Variants in ARPP21 observed in about 807,000 individuals in gnomAD.
The protein encoded by ARPP21 is cAMP regulated phosphoprotein 21.
In ARPP21, 69 loss-of-function variants were observed where a neutral mutation model predicts 113.2. The observed-to-expected ratio is 0.61, with a 90% CI of 0.50 to 0.74. ARPP21 has a LOEUF of 0.74. Ranked by LOEUF, ARPP21 falls within the 30% of genes least tolerant of loss-of-function variation. The probability of loss-of-function intolerance (pLI) is 0.00; values close to 1 mark genes in which losing one functional copy is unlikely to be tolerated. For missense variants in ARPP21, 1,070 were observed against 1,037.4 expected, an observed-to-expected ratio of 1.03 and a Z score of -0.43; for synonymous variants, 368 against 375.5, an observed-to-expected ratio of 0.98 and a Z score of 0.23.
intron 19 of ARPP21, among the ~76,000 whole-genome samples, chr3:35,756,867 A>T (rs1422988673): frequency 6.6e-6 from 1 of 152,178 alleles, no homozygotes; most frequent in East Asian, 1.9e-4. Context: ...GCAGTAGAAC[A>T]CACATTTTGA....
intron 19 of ARPP21, among the ~76,000 whole-genome samples, chr3:35,764,094 A>C (rs2095871243): frequency 6.6e-6 from 1 of 152,158 alleles, no homozygotes; most frequent in Non-Finnish European, 1.5e-5. Context: ...TACATTTAGA[A>C]AGAATAACCT....
chr3:35,752,830 T>G (rs1411033659), intron 19 of ARPP21, among the ~76,000 whole-genome samples: 2 of 152,134 alleles, frequency 1.3e-5, no homozygotes, highest in East Asian at 3.9e-4. Flanking sequence ...ATTATTTTAT[T>G]TCACATTATT....
chr3:35,748,071 A>AAGGAAGG (rs1559837078), intron 19 of ARPP21, among the ~76,000 whole-genome samples: 3,106 of 93,058 alleles, frequency 0.033, 54 homozygotes, highest in Non-Finnish European at 0.04. Flanking sequence ...AGGAAGGAAG[A>AAGGAAGG]AAGAAAGAAA....
At chr3:35,678,473 A>G (rs2078065564) in intron 1 of ARPP21, among the ~76,000 whole-genome samples, 1 of 152,010 alleles carries the variant, frequency 6.6e-6, no homozygotes, top group Non-Finnish European at 1.5e-5. Flanking sequence ...ACTGATCAAA[A>G]TTGAAAAACT....
intron 1 of ARPP21, among the ~76,000 whole-genome samples, chr3:35,661,010 G>A (rs1465761035): frequency 6.6e-6 from 1 of 152,046 alleles, no homozygotes; most frequent in Non-Finnish European, 1.5e-5. Flanking sequence ...CAGGTACAGG[G>A]CTAAATCTAT....
At chr3:35,724,841 G>A (rs2093405372) in intron 14 of ARPP21, among the ~76,000 whole-genome samples, 1 of 151,828 alleles carries the variant, frequency 6.6e-6, no homozygotes, top group African/African-American at 2.4e-5. Flanking sequence ...CTTCCTTCTT[G>A]TAATTTTGGA....
intron 14 of ARPP21, among the ~76,000 whole-genome samples, chr3:35,723,010 C>G (rs1242379209): frequency 6.6e-6 from 1 of 152,120 alleles, no homozygotes; most frequent in African/African-American, 2.4e-5. Context: ...AATTCCCTGA[C>G]ACTCTCTTGG....
At chr3:35,715,620 T>C in intron 12 of ARPP21, 144 bp downstream of exon 12, 3 of 563,608 alleles carry the variant, frequency 5.3e-6, no homozygotes. Context: ...TACACACATA[T>C]ATGTTATTTA....
At chr3:35,751,180 G>GCAAATCA (rs2151074917) in intron 19 of ARPP21, among the ~76,000 whole-genome samples, 1 of 152,244 alleles carries the variant, frequency 6.6e-6, no homozygotes, top group Non-Finnish European at 1.5e-5. Context: ...TATAACTGCA[G>GCAAATCA]CAAATCATTT....
chr3:35,721,891 C>T, intron 14 of ARPP21, 57 bp downstream of exon 14: 1 of 1,111,254 alleles, frequency 9.0e-7, no homozygotes. Context: ...CTACCCAAGC[C>T]ATATGGTCAC....
chr3:35,687,593 C>G, intron 5 of ARPP21, 146 bp from the exon 6 acceptor site: 1 of 631,826 alleles, frequency 1.6e-6, no homozygotes. Context: ...CAATTAATTT[C>G]CTGACAGGTT....
intron 10 of ARPP21, chr3:35,707,434 C>T (rs779952762): frequency 4.1e-6 from 2 of 486,308 alleles, no homozygotes; most frequent in African/African-American, 1.9e-5. Flanking sequence ...CTATGGCAGT[C>T]GTTCCACTCC....
At position 35,729,449 on chromosome 3, in the gene ARPP21, G is replaced by T. The variant is rs563426218; in HGVS notation, c.1372G>T (p.Ala458Ser). ...AGAGAATGGAATAGGGGGCCAGGTTGCTCCCAGCAGCACCAGCTACATCCT... is the reference window on the plus strand; with the variant it reads ...AGAGAATGGAATAGGGGGCCAGGTTTCTCCCAGCAGCACCAGCTACATCCT... ...YPENGIGGQVAPSSTSYILLP... is the reference protein window; with the variant it reads ...YPENGIGGQVSPSSTSYILLP... The change falls in exon 15 of 21, where the codon GCT becomes TCT. Residue 458 changes from alanine to serine, a missense_variant. By Grantham distance (99) the Ala-to-Ser change is moderately conservative (BLOSUM62 1). Coordinates refer to ENST00000684406, the MANE Select transcript of ARPP21 (RefSeq NM_001385562.1). 3 of 1,614,188 alleles carry T rather than the reference G, an allele frequency of 1.9e-6. No individual in the cohort carries two copies. The South Asian group carries it at 3.3e-5, about 18-fold the overall frequency.
intron 9 of ARPP21, among the ~76,000 whole-genome samples, chr3:35,703,625 A>G (rs2087432666): frequency 6.6e-6 from 1 of 151,828 alleles, no homozygotes; most frequent in South Asian, 2.1e-4. Flanking sequence ...ATAATGCCAT[A>G]TGTACTAAAA....
At chr3:35,784,171 G>T (rs1052055987) in intron 19 of ARPP21, among the ~76,000 whole-genome samples, 1 of 152,110 alleles carries the variant, frequency 6.6e-6, no homozygotes, top group Non-Finnish European at 1.5e-5. Flanking sequence ...GTGGCAAGAA[G>T]AAATAGTCAA....
At chr3:35,711,420 A>G (rs1398755771) in intron 11 of ARPP21, among the ~76,000 whole-genome samples, 1 of 152,246 alleles carries the variant, frequency 6.6e-6, no homozygotes, top group African/African-American at 2.4e-5. Flanking sequence ...GGCAAGAAAC[A>G]CCTAGTGTCT....
intron 1 of ARPP21, among the ~76,000 whole-genome samples, chr3:35,664,902 G>T (rs1709526323): frequency 6.6e-6 from 1 of 152,162 alleles, no homozygotes; most frequent in African/African-American, 2.4e-5. Flanking sequence ...GGGCTTCAGA[G>T]GAGTGTCACT....
At position 35,734,395 on chromosome 3, in the gene ARPP21, C is replaced by A. The variant is rs533397340; in HGVS notation, c.1460-2783C>A. 1.6e-4 allele frequency among the ~76,000 whole-genome samples: 24 copies of A among 152,134 alleles called. No individual in the cohort carries two copies. The East Asian group carries it at 2.9e-3, about 18-fold the overall frequency. ...AAAGTTATTTTTCAAAAAGAATATTCATTTAAAACAATAAAATGCATCTAC... is the reference window on the plus strand; with the variant it reads ...AAAGTTATTTTTCAAAAAGAATATTAATTTAAAACAATAAAATGCATCTAC... On this transcript the variant is annotated intron_variant, in intron 15 of 20. Transcript: ENST00000684406.
intron 19 of ARPP21, among the ~76,000 whole-genome samples, chr3:35,748,110 G>GAA (rs371869205): frequency 1.8e-4 from 17 of 95,902 alleles, no homozygotes; most frequent in African/African-American, 7.2e-4. Context: ...AAGAAAGAAA[G>GAA]AAGAAAGAAA....
Sources: allele counts gnomAD v4.1 joint callset (sites outside exome capture counted in the v4.1 genomes callset), GRCh38; gene constraint gnomAD v4.1.1; transcripts MANE v1.5; gene names NCBI Gene and HGNC (gene_info 2026-07-23, HGNC 2026-07-21).